The following TBL1X variants were observed in gnomAD, a reference collection of about 807,000 sequenced individuals.
TBL1X encodes F-box-like/WD repeat-containing protein TBL1X.
TBL1X carries 10 observed loss-of-function variants against 50.7 expected under a neutral mutation model. That is an observed-to-expected ratio of 0.20 (90% CI 0.12 to 0.33). TBL1X has a LOEUF of 0.33. Among genes scored for constraint, TBL1X ranks in the 10% least tolerant of loss-of-function variants. TBL1X has a pLI of 1.00. For missense variants in TBL1X, 340 were observed against 504.4 expected (o/e 0.67, Z 3.12); for synonymous variants, 190 against 214.7 (o/e 0.88, Z 1.01).
At chrX:9,527,670 G>A in intron 2 of TBL1X, among the ~76,000 whole-genome samples, 1 of 111,271 alleles carries the variant, frequency 9.0e-6, no homozygotes, top group Middle Eastern at 4.7e-3. Flanking sequence ...GTAGTCTCTG[G>A]GTGTTATATG....
At chrX:9,465,986 G>GGC (rs2081770889) in intron 1 of TBL1X, among the ~76,000 whole-genome samples, 1 of 113,147 alleles carries the variant, frequency 8.8e-6, no homozygotes, top group South Asian at 3.5e-4. Flanking sequence ...CGGGCGAGGT[G>GGC]GCGCGGGCCC....
chrX:9,622,458 C>CT (rs760518754), intron 2 of TBL1X, among the ~76,000 whole-genome samples: 7 of 109,766 alleles, frequency 6.4e-5, no homozygotes, highest in African/African-American at 9.9e-5. Context: ...GAATTTCATT[C>CT]TTTTTTTTTG....
At chrX:9,692,025 G>A in intron 8 of TBL1X, 88 bp from the exon 9 acceptor site, 1 of 1,162,039 alleles carries the variant, frequency 8.6e-7, no homozygotes, top group Non-Finnish European at 1.2e-6. Context: ...ATGTGCTGAA[G>A]ATGCCCTCTG....
In TBL1X at chrX:9,653,770, C is replaced by G. The variant is rs929857059; in HGVS notation, c.103+81C>G. On this transcript the variant is annotated intron_variant, in intron 4 of 17. Transcript: ENST00000645353. ...CATGGCCGCGGGTGTACTCGGTCACCTCTCCATGTGTCCAGAAAAGTGCTC... is the reference window on the plus strand; with the variant it reads ...CATGGCCGCGGGTGTACTCGGTCACGTCTCCATGTGTCCAGAAAAGTGCTC... The G allele has an allele frequency of 1.0e-5, 9 of 899,549 alleles. No homozygotes were observed. In the South Asian group the frequency reaches 1.9e-4, roughly 19 times the overall value. The allele number at this position is 899,549 out of a possible 1,213,427, so 74.1% of individuals were successfully genotyped here.
intron 1 of TBL1X, among the ~76,000 whole-genome samples, chrX:9,500,604 CAA>C (rs2081996323): frequency 9.0e-6 from 1 of 111,100 alleles, no homozygotes; most frequent in African/African-American, 3.3e-5. Context: ...CTCAAACAAA[CAA>C]AAAAAACTAC....
At chrX:9,544,890 C>T (rs906781397) in intron 2 of TBL1X, among the ~76,000 whole-genome samples, 4 of 111,028 alleles carry the variant, frequency 3.6e-5, no homozygotes, top group South Asian at 7.5e-4. Context: ...AATACAGAAA[C>T]GGACTTAATT....
At chrX:9,596,290 G>C (rs1269917407) in intron 2 of TBL1X, among the ~76,000 whole-genome samples, 1 of 111,845 alleles carries the variant, frequency 8.9e-6, no homozygotes, top group African/African-American at 3.3e-5. Context: ...AGTCTAGAAG[G>C]CAAAATAAAT....
intron 2 of TBL1X, among the ~76,000 whole-genome samples, chrX:9,591,590 G>T (rs1354114690): frequency 5.3e-5 from 6 of 112,294 alleles, no homozygotes; most frequent in Admixed American, 4.7e-4. Context: ...AGCATCAGCT[G>T]GTCATCAGCC....
intron 2 of TBL1X, among the ~76,000 whole-genome samples, chrX:9,561,142 G>A (rs1601758234): frequency 3.6e-5 from 4 of 110,954 alleles, no homozygotes. Context: ...CACTCAAACC[G>A]CACCCCACCC....
chrX:9,581,762 A>G (rs2082443865), intron 2 of TBL1X, among the ~76,000 whole-genome samples: 1 of 112,288 alleles, frequency 8.9e-6, no homozygotes, highest in Admixed American at 9.4e-5. Flanking sequence ...TACTGGACAG[A>G]TATGCAGGCA....
intron 12 of TBL1X, among the ~76,000 whole-genome samples, chrX:9,700,015 C>G (rs866683113): frequency 1.4e-4 from 16 of 112,487 alleles, no homozygotes; most frequent in Middle Eastern, 4.6e-3. Flanking sequence ...AAAGGGAAAC[C>G]CTGTACCCAT....
intron 2 of TBL1X, among the ~76,000 whole-genome samples, chrX:9,591,621 G>C (rs765687199): frequency 1.7e-4 from 19 of 112,056 alleles, no homozygotes; most frequent in Non-Finnish European, 3.6e-4. Flanking sequence ...AGTGCCCAGA[G>C]GGGGGAAGAG....
At chrX:9,572,973 T>C (rs2082393456) in intron 2 of TBL1X, among the ~76,000 whole-genome samples, 1 of 112,658 alleles carries the variant, frequency 8.9e-6, no homozygotes, top group Non-Finnish European at 1.9e-5. Context: ...GTACACATTC[T>C]CCCAAAGCAT....
At chrX:9,503,407 T>G (rs1316672982) in intron 2 of TBL1X, among the ~76,000 whole-genome samples, 1 of 113,246 alleles carries the variant, frequency 8.8e-6, no homozygotes, top group Non-Finnish European at 1.9e-5. Context: ...CGCTTAAGCT[T>G]ACCAAACTCC....
chrX:9,700,246 CG>C (rs1277940115), intron 12 of TBL1X, among the ~76,000 whole-genome samples: 5 of 112,318 alleles, frequency 4.5e-5, no homozygotes, highest in Non-Finnish European at 9.4e-5. Context: ...ACGCAGACCC[CG>C]GGGGGTGAGG....
rs189137164 is a variant in TBL1X, at chrX:9,583,129, G to A, written c.-130-57144G>A. Reference sequence around the variant, plus strand: ...GTGTCATTGTTGAGGAGGTCAGCAGGGTGGTCAGGCGGCAGCAGGGTGGCT... The same window carrying A: ...GTGTCATTGTTGAGGAGGTCAGCAGAGTGGTCAGGCGGCAGCAGGGTGGCT... On this transcript the variant is annotated intron_variant, in intron 2 of 17. Coordinates refer to ENST00000645353, the MANE Select transcript of TBL1X (RefSeq NM_005647.4). 1.1e-4 allele frequency among the ~76,000 whole-genome samples: 12 copies of A among 112,617 alleles called. No homozygotes were observed. In the East Asian group the frequency reaches 3.4e-3, roughly 31 times the overall value.
intron 2 of TBL1X, among the ~76,000 whole-genome samples, chrX:9,543,592 C>T (rs983961623): frequency 1.8e-5 from 2 of 110,702 alleles, no homozygotes; most frequent in African/African-American, 6.6e-5. Context: ...TGGGGGTGTG[C>T]AAGTGACCGC....
chrX:9,510,932 G>A (rs992386259), intron 2 of TBL1X, among the ~76,000 whole-genome samples: 2 of 111,239 alleles, frequency 1.8e-5, no homozygotes, highest in Admixed American at 1.9e-4. Context: ...CCATCTGTCC[G>A]TCCATCCATC....
intron 1 of TBL1X, among the ~76,000 whole-genome samples, chrX:9,478,566 G>T (rs1231648114): frequency 4.5e-5 from 5 of 111,586 alleles, no homozygotes; most frequent in African/African-American, 1.6e-4. Context: ...AATAGGCCTT[G>T]TCCCAAACTC....
Sources: allele counts gnomAD v4.1 joint callset (sites outside exome capture counted in the v4.1 genomes callset), GRCh38; gene constraint gnomAD v4.1.1; transcripts MANE v1.5; gene names NCBI Gene and HGNC (gene_info 2026-07-23, HGNC 2026-07-21).